The following FHIT variants were observed in gnomAD, a reference collection of about 807,000 sequenced individuals.
The protein encoded by FHIT is bis(5'-adenosyl)-triphosphatase.
In FHIT, 19 loss-of-function variants were observed where a neutral mutation model predicts 17.9. The observed-to-expected ratio is 1.06, with a 90% confidence interval of 0.74 to 1.56. The LOEUF is 1.56. Ranked by LOEUF, FHIT falls within the 40% of genes most tolerant of loss-of-function variation. The pLI, the probability that FHIT is intolerant of heterozygous loss-of-function variation, is 0.00. For synonymous variants in FHIT, 81 were observed against 69.7 expected, an observed-to-expected ratio of 1.16 and a Z score of -0.81; for missense variants, 248 against 189.2, an observed-to-expected ratio of 1.31 and a Z score of -1.82.
chr3:60,923,377 T>C (rs1218376876), intron 3 of FHIT, among the ~76,000 whole-genome samples: 1 of 152,130 alleles, frequency 6.6e-6, no homozygotes, highest in Non-Finnish European at 1.5e-5. Flanking sequence ...CTGTAGGTAA[T>C]ATGAAGAAAA....
chr3:59,951,247 A>C (rs1007737248), intron 7 of FHIT, among the ~76,000 whole-genome samples: 4 of 152,032 alleles, frequency 2.6e-5, no homozygotes, highest in African/African-American at 9.7e-5. Flanking sequence ...CCATGAACCC[A>C]CCTGGGTTCT....
chr3:60,052,180 G>A (rs1559585707), intron 5 of FHIT, among the ~76,000 whole-genome samples: 1 of 151,990 alleles, frequency 6.6e-6, no homozygotes, highest in Non-Finnish European at 1.5e-5. Context: ...CTTCTCTAGG[G>A]GTCACAGTCT....
chr3:60,676,520 T>C (rs1485908404), intron 4 of FHIT, among the ~76,000 whole-genome samples: 2 of 152,244 alleles, frequency 1.3e-5, no homozygotes, highest in Non-Finnish European at 2.9e-5. Context: ...TCTCTCATTA[T>C]GGAGTTTACA....
rs1701815308 is a variant in FHIT, at chr3:60,405,363, G to GTCCA, written c.103+131493_103+131496dup. ...ACTCAGCATGCACTCCCCATTCTGA[G>GTCCA]TCCATAAAAGGTCCCAGACCCAGAT... On this transcript the variant is annotated intron_variant, in intron 5 of 9. Coordinates refer to ENST00000492590, the MANE Select transcript of FHIT (RefSeq NM_002012.4). Among the ~76,000 whole-genome samples the GTCCA allele has an allele frequency of 2.6e-5, 4 of 152,112 alleles. No homozygotes were observed. In the South Asian group the frequency reaches 6.2e-4, roughly 24 times the overall value.
At chr3:60,723,715 A>T (rs901007433) in intron 4 of FHIT, among the ~76,000 whole-genome samples, 1 of 152,210 alleles carries the variant, frequency 6.6e-6, no homozygotes, top group Non-Finnish European at 1.5e-5. Context: ...ACTGTAGCAA[A>T]TCAGAACCAG....
chr3:61,236,290 GTAATAA>G (rs771996527), intron 1 of FHIT, among the ~76,000 whole-genome samples: 3 of 148,434 alleles, frequency 2.0e-5, no homozygotes, highest in African/African-American at 7.4e-5. Flanking sequence ...ATGGTAATTA[GTAATAA>G]TAATAATAAC....
intron 2 of FHIT, among the ~76,000 whole-genome samples, chr3:61,059,684 A>G (rs2034356969): frequency 6.6e-6 from 1 of 152,180 alleles, no homozygotes; most frequent in Admixed American, 6.5e-5. Flanking sequence ...AGGAGACACT[A>G]GTCATCAGGC....
chr3:59,984,123 C>T (rs1237181534), intron 7 of FHIT, among the ~76,000 whole-genome samples: 1 of 152,074 alleles, frequency 6.6e-6, no homozygotes, highest in East Asian at 1.9e-4. Context: ...ATTGGGCATG[C>T]TGCACCAGAC....
At chr3:60,350,699 T>A (rs1419702563) in intron 5 of FHIT, among the ~76,000 whole-genome samples, 1 of 152,166 alleles carries the variant, frequency 6.6e-6, no homozygotes, top group Non-Finnish European at 1.5e-5. Flanking sequence ...AACCTATTTT[T>A]TTCTTTTTTG....
intron 1 of FHIT, among the ~76,000 whole-genome samples, chr3:61,241,386 T>C (rs145592775): frequency 1.1e-3 from 174 of 152,318 alleles, no homozygotes; most frequent in African/African-American, 3.8e-3. Flanking sequence ...CGTCCTTCAG[T>C]TAATGTGGAG....
intron 7 of FHIT, among the ~76,000 whole-genome samples, chr3:59,965,449 T>C (rs980690514): frequency 1.3e-5 from 2 of 151,450 alleles, no homozygotes; most frequent in African/African-American, 4.8e-5. Flanking sequence ...ACAAGTTTCT[T>C]GTTGTTGTTG....
intron 5 of FHIT, among the ~76,000 whole-genome samples, chr3:60,136,191 C>T (rs1172236422): frequency 1.3e-5 from 2 of 152,078 alleles, no homozygotes; most frequent in African/African-American, 2.4e-5. Context: ...CACAAGCACA[C>T]CTCCACTGGC....
At chr3:60,230,985 C>T (rs772985219) in intron 5 of FHIT, among the ~76,000 whole-genome samples, 2 of 152,160 alleles carry the variant, frequency 1.3e-5, no homozygotes, top group Non-Finnish European at 2.9e-5. Context: ...TGATTACAGG[C>T]GTGAGCCACC....
At chr3:60,292,484 C>T (rs2106664924) in intron 5 of FHIT, among the ~76,000 whole-genome samples, 1 of 152,198 alleles carries the variant, frequency 6.6e-6, no homozygotes, top group South Asian at 2.1e-4. Context: ...TTGAGGTTTT[C>T]CTTTCTTTCT....
At chr3:60,589,907 A>T (rs2038028709) in intron 4 of FHIT, among the ~76,000 whole-genome samples, 1 of 152,020 alleles carries the variant, frequency 6.6e-6, no homozygotes, top group Non-Finnish European at 1.5e-5. Flanking sequence ...TCATCTTCTT[A>T]TGCATTAGGT....
intron 4 of FHIT, among the ~76,000 whole-genome samples, chr3:60,686,411 C>G (rs2040863381): frequency 6.6e-6 from 1 of 151,978 alleles, no homozygotes; most frequent in Admixed American, 6.6e-5. Flanking sequence ...AATTGCAAAA[C>G]CACGATTACT....
Position 60,069,040 on chromosome 3 carries a change from G to A in FHIT, c.104-54888C>T, listed in dbSNP as rs1036462826. Among the ~76,000 whole-genome samples the A allele has an allele frequency of 3.9e-5, 6 of 152,026 alleles. No individual in the cohort carries two copies. In the East Asian group the frequency reaches 5.8e-4, roughly 15 times the overall value. On this transcript the variant is annotated intron_variant, in intron 5 of 9. Transcript: ENST00000492590. Reference sequence around the variant, plus strand: ...GTAAACTTGTAATTGCTATCCTAAGGACAAAGCTCCAAAACATACTCTGAA... The same window carrying A: ...GTAAACTTGTAATTGCTATCCTAAGAACAAAGCTCCAAAACATACTCTGAA...
intron 2 of FHIT, among the ~76,000 whole-genome samples, chr3:61,174,488 G>T (rs543635374): frequency 1.3e-5 from 2 of 152,166 alleles, no homozygotes; most frequent in African/African-American, 4.8e-5. Flanking sequence ...GTTCATCTGC[G>T]TTGGCAAATT....
intron 4 of FHIT, among the ~76,000 whole-genome samples, chr3:60,579,452 A>G (rs2037683419): frequency 6.6e-6 from 1 of 152,148 alleles, no homozygotes; most frequent in South Asian, 2.1e-4. Flanking sequence ...CTGTATGTGA[A>G]CATTTCTTGA....
Sources: gnomAD v4.1 joint callset for allele counts (sites outside exome capture counted in the v4.1 genomes callset) on GRCh38, gnomAD v4.1.1 for gene constraint, MANE v1.5 for transcripts, NCBI Gene and HGNC (gene_info 2026-07-23, HGNC 2026-07-21) for gene names.